PLEKHA8: variants seen among roughly 807,000 people sequenced by gnomAD.
PLEKHA8 encodes the protein pleckstrin homology domain-containing family A member 8.
PLEKHA8 carries 36 observed loss-of-function variants against 68.2 expected under a neutral mutation model. The ratio of observed to expected loss-of-function variants is 0.53; its 90% CI spans 0.40 to 0.70. PLEKHA8 has a LOEUF of 0.70. Among genes scored for constraint, PLEKHA8 ranks in the 30% least tolerant of loss-of-function variants. PLEKHA8 has a pLI of 0.00. For missense variants in PLEKHA8, 505 were observed against 615.4 expected (o/e 0.82, Z 1.90); for synonymous variants, 211 against 216.1 (o/e 0.98, Z 0.20).
chr7:30,082,039 T>C lies in PLEKHA8; in HGVS notation c.*3252T>C, dbSNP rs754582201. ...GAGAAGATGGTCTTCTCATTGGCTC[T>C]TGATGTAGCTCTGAAGGGAGTTCCA... is the stretch of plus-strand genomic sequence containing the variant. On this transcript the variant is annotated 3_prime_UTR_variant, in exon 14 of 14. Transcript: ENST00000449726. The C allele has an allele frequency of 8.4e-5, 81 of 961,976 alleles. No homozygotes were observed. The highest frequency in any genetic ancestry group is 9.8e-5 in the Non-Finnish European group (79 of 808,730). The allele number at this position is 961,976 out of a possible 1,614,324, so 59.6% of individuals were successfully genotyped here.
At chr7:30,090,017 G>A (rs758777561) in intron 12 of PLEKHA8, 25 of 783,132 alleles carry the variant, frequency 3.2e-5, no homozygotes, top group Non-Finnish European at 4.7e-5. Context: ...TAGGAGTATC[G>A]AGATATTCTG....
rs150889762 is a variant in PLEKHA8 at position 30,046,528 on chromosome 7, C to T, written c.313+163C>T. 3.8e-3 allele frequency among the ~76,000 whole-genome samples: 575 copies of T among 152,340 alleles called. 5 individuals carry two copies. Among genetic ancestry groups the T allele is most frequent in the African/African-American group, 0.013 (520 of 41,582 alleles). The stretch of plus-strand genomic sequence containing the variant: ...TTTAAACCAGGGTCCATATCTAACT[C>T]TTCTTTCTTGGCATAGCATAGTGCA... On this transcript the variant is annotated intron_variant, in intron 3 of 13. Coordinates refer to ENST00000449726, the MANE Select transcript of PLEKHA8 (RefSeq NM_001197026.2).
intron 12 of PLEKHA8, among the ~76,000 whole-genome samples, chr7:30,064,283 G>A (rs1007274821): frequency 2.0e-5 from 3 of 152,352 alleles, no homozygotes; most frequent in South Asian, 2.1e-4. Context: ...CAGTGTGGCC[G>A]GGTGTGGTGG....
intron 7 of PLEKHA8, among the ~76,000 whole-genome samples, chr7:30,054,121 A>G (rs1792634089): frequency 6.6e-6 from 1 of 152,182 alleles, no homozygotes; most frequent in African/African-American, 2.4e-5. Context: ...TAAAATGCAC[A>G]AACATGCATA....
At chr7:30,056,312 C>CTCTCTCTCTCTA (rs796845171) in intron 9 of PLEKHA8, among the ~76,000 whole-genome samples, 1,082 of 94,474 alleles carry the variant, frequency 0.011, 21 homozygotes, top group Admixed American at 0.018. Context: ...CTCTCTCTCT[C>CTCTCTCTCTCTA]TATATATATA....
intron 13 of PLEKHA8, among the ~76,000 whole-genome samples, chr7:30,076,038 T>C (rs1019792048): frequency 8.6e-5 from 13 of 151,926 alleles, no homozygotes; most frequent in African/African-American, 3.1e-4. Flanking sequence ...CTTTTAAATA[T>C]TGATCTATTT....
chr7:30,055,428 A>T (rs759782036), intron 9 of PLEKHA8, 86 bp downstream of exon 9: 21 of 1,155,616 alleles, frequency 1.8e-5, no homozygotes, highest in African/African-American at 4.6e-5. Context: ...ACCCCAAACT[A>T]TGTGTACAGT....
At chr7:30,072,088 A>G (rs1794272765) in intron 12 of PLEKHA8, 1 of 152,208 alleles carries the variant, frequency 6.6e-6, no homozygotes, top group Non-Finnish European at 1.5e-5. Context: ...GAAGACATGT[A>G]TCTTTGATCA....
rs1405228354 is a variant in PLEKHA8 at position 30,082,812 on chromosome 7, G to T, written c.*4025G>T. The T allele has an allele frequency of 1.0e-6, 1 of 985,182 alleles. No individual in the cohort carries two copies. Among genetic ancestry groups the T allele is most frequent in the African/African-American group, 1.7e-5 (1 of 57,184 alleles). The allele number at this position is 985,182 out of a possible 1,614,324, so 61.0% of individuals were successfully genotyped here. On this transcript the variant is annotated 3_prime_UTR_variant, in exon 14 of 14. Transcript: ENST00000449726. Reference sequence around the variant, plus strand: ...TACATATGGAGAAACATCAGATCAGGCAATAGAGTCAGAGGGTCATGAGCA... The same window carrying T: ...TACATATGGAGAAACATCAGATCAGTCAATAGAGTCAGAGGGTCATGAGCA...
intron 13 of PLEKHA8, among the ~76,000 whole-genome samples, chr7:30,103,159 T>C (rs1402164404): frequency 6.6e-6 from 1 of 152,222 alleles, no homozygotes; most frequent in Non-Finnish European, 1.5e-5. Flanking sequence ...AATTTCTGTT[T>C]CGAATAACAA....
At chr7:30,068,104 G>T (rs191058434) in intron 12 of PLEKHA8, among the ~76,000 whole-genome samples, 1 of 152,298 alleles carries the variant, frequency 6.6e-6, no homozygotes, top group Non-Finnish European at 1.5e-5. Flanking sequence ...CCAGAACAGT[G>T]GTTCTCAAAC....
intron 1 of PLEKHA8, among the ~76,000 whole-genome samples, chr7:30,037,745 AT>A (rs973987661): frequency 1.0e-4 from 15 of 143,060 alleles, no homozygotes; most frequent in African/African-American, 3.3e-4. Context: ...GTCCCTTTTC[AT>A]TTTTTTTTTC....
Position 30,116,080 on chromosome 7 carries a change from A to G in PLEKHA8, c.1363-13186A>G, listed in dbSNP as rs1796527858. The G allele has an allele frequency of 1.3e-5, 2 of 150,786 alleles. 1 individual carries two copies. The highest frequency in any genetic ancestry group is 3.0e-5 in the Non-Finnish European group (2 of 67,458). 9.3% of individuals were successfully genotyped at this position (150,786 alleles called of 1,614,324 possible). A position where few individuals can be genotyped will look rare whatever the true frequency, so the allele number is the denominator to read the frequency against. On this transcript the variant is annotated intron_variant, in intron 13 of 13. Coordinates refer to the PLEKHA8 transcript ENST00000396257. ...CGTATGCATACGTATACATGTATAC[A>G]TACGCATACATACGTATACATACGC...
chr7:30,097,258 C>G (rs1208642576), intron 13 of PLEKHA8, among the ~76,000 whole-genome samples: 1 of 152,200 alleles, frequency 6.6e-6, no homozygotes. Context: ...CTGCCCTTAA[C>G]ATTTTTTCCT....
chr7:30,107,195 C>G (rs1182185702), intron 13 of PLEKHA8, among the ~76,000 whole-genome samples: 2 of 152,036 alleles, frequency 1.3e-5, no homozygotes, highest in African/African-American at 2.4e-5. Context: ...CTCCTATGTT[C>G]TTCAATAAAG....
intron 13 of PLEKHA8, among the ~76,000 whole-genome samples, chr7:30,108,079 A>C (rs577940287): frequency 7.1e-4 from 108 of 151,230 alleles, no homozygotes; most frequent in Non-Finnish European, 1.2e-3. Flanking sequence ...AAAAAAAAAA[A>C]AAAAAAAAAA....
exon 13 of PLEKHA8, chr7:30,090,234 CCATT>C (rs748192313): frequency 1.3e-4 from 205 of 1,534,882 alleles, no homozygotes; most frequent in Non-Finnish European, 1.7e-4. Context: ...GAATTCCTCA[CCATT>C]CAGGCAGAAA....
Position 30,083,383 on chromosome 7 carries a change from A to G in PLEKHA8, c.*4596A>G, listed in dbSNP as rs866463157. On this transcript the variant is annotated 3_prime_UTR_variant, in exon 14 of 14. Transcript: ENST00000449726. ...TTTAAGACTGTTTATCTGTATCACA[A>G]CGTCATTAGGAGTTCTTTCAACAAT... The G allele has an allele frequency of 2.0e-6, 2 of 983,870 alleles. No individual in the cohort carries two copies. The highest frequency in any genetic ancestry group is 2.4e-6 in the Non-Finnish European group (2 of 828,518). The allele number at this position is 983,870 out of a possible 1,614,324, so 60.9% of individuals were successfully genotyped here.
chr7:30,053,281 C>T (rs1308303589), intron 7 of PLEKHA8, among the ~76,000 whole-genome samples: 1 of 152,164 alleles, frequency 6.6e-6, no homozygotes, highest in Non-Finnish European at 1.5e-5. Flanking sequence ...GGTTTCTACG[C>T]AGTCTTCTCT....
Sources: gnomAD v4.1 joint callset for allele counts (sites outside exome capture counted in the v4.1 genomes callset) on GRCh38, gnomAD v4.1.1 for gene constraint, MANE v1.5 for transcripts, NCBI Gene and HGNC (gene_info 2026-07-23, HGNC 2026-07-21) for gene names.